PCDH9: variants seen among roughly 807,000 people sequenced by gnomAD.
PCDH9 encodes the protein protocadherin-9.
PCDH9 carries 24 observed loss-of-function variants against 70.6 expected under a neutral mutation model. The ratio of observed to expected loss-of-function variants is 0.34; its 90% CI spans 0.25 to 0.48. The LOEUF is 0.48. PCDH9 is among the 20% of genes least tolerant of loss of function. The pLI is 0.99. For missense variants in PCDH9, 1,281 were observed against 1,503.6 expected (o/e 0.85, Z 2.45); for synonymous variants, 562 against 558.5 (o/e 1.01, Z -0.09).
chr13:66,947,374 A>T (rs902148062), intron 2 of PCDH9, among the ~76,000 whole-genome samples: 3 of 152,156 alleles, frequency 2.0e-5, no homozygotes, highest in East Asian at 1.9e-4. Context: ...ATTTTACTGT[A>T]AAAAATAATC....
At chr13:67,092,618 G>T (rs751550877) in intron 2 of PCDH9, among the ~76,000 whole-genome samples, 2 of 152,090 alleles carry the variant, frequency 1.3e-5, no homozygotes, top group Admixed American at 6.6e-5. Context: ...AATGCCTAAT[G>T]CTGCTCCAGC....
intron 4 of PCDH9, among the ~76,000 whole-genome samples, chr13:66,378,146 A>G (rs753036019): frequency 9.2e-5 from 14 of 152,220 alleles, no homozygotes; most frequent in Non-Finnish European, 1.6e-4. Context: ...AACTTTGCCG[A>G]AAAGCCCTGA....
At chr13:66,464,812 T>C (rs1958489035) in intron 4 of PCDH9, among the ~76,000 whole-genome samples, 1 of 151,968 alleles carries the variant, frequency 6.6e-6, no homozygotes, top group South Asian at 2.1e-4. Context: ...AGTATCTTAA[T>C]GCTGAGGTGT....
intron 4 of PCDH9, among the ~76,000 whole-genome samples, chr13:66,363,315 T>A (rs1227503830): frequency 6.6e-6 from 1 of 152,214 alleles, no homozygotes; most frequent in Non-Finnish European, 1.5e-5. Context: ...ATTAGGAAAT[T>A]TAGGATACAA....
At chr13:66,873,789 A>G (rs529076725) in intron 3 of PCDH9, among the ~76,000 whole-genome samples, 45 of 152,062 alleles carry the variant, frequency 3.0e-4, no homozygotes, top group Non-Finnish European at 4.3e-4. Context: ...TCCTTTGCAC[A>G]CACTACACTC....
chr13:66,853,750 T>G (rs2081351816), intron 3 of PCDH9, among the ~76,000 whole-genome samples: 1 of 148,690 alleles, frequency 6.7e-6, no homozygotes, highest in Non-Finnish European at 1.5e-5. Context: ...TTTCCTTTTT[T>G]TTTTTCAGGA....
At chr13:66,879,386 T>C (rs1183760485) in intron 3 of PCDH9, among the ~76,000 whole-genome samples, 1 of 152,132 alleles carries the variant, frequency 6.6e-6, no homozygotes, top group East Asian at 1.9e-4. Flanking sequence ...AAATGTATTC[T>C]TATATTGAAA....
chr13:66,788,185 A>G (rs2080108849), intron 3 of PCDH9, among the ~76,000 whole-genome samples: 1 of 152,134 alleles, frequency 6.6e-6, no homozygotes, highest in Admixed American at 6.6e-5. Context: ...CCTTCTTGTT[A>G]CATCCTCACA....
At chr13:67,164,627 C>T (rs976295401) in intron 2 of PCDH9, among the ~76,000 whole-genome samples, 5 of 151,780 alleles carry the variant, frequency 3.3e-5, no homozygotes, top group Non-Finnish European at 5.9e-5. Context: ...TTGACTCCAG[C>T]CTTGTGATGT....
At chr13:66,740,128 A>T (rs1344650825) in intron 3 of PCDH9, among the ~76,000 whole-genome samples, 7 of 146,804 alleles carry the variant, frequency 4.8e-5, no homozygotes, top group African/African-American at 1.8e-4. Flanking sequence ...AACAGAAATT[A>T]TAACAAACTA....
intron 3 of PCDH9, among the ~76,000 whole-genome samples, chr13:66,759,318 T>G (rs2079585749): frequency 6.6e-6 from 1 of 152,092 alleles, no homozygotes. Context: ...AAATCTCTTT[T>G]GGTTGCCATT....
intron 2 of PCDH9, among the ~76,000 whole-genome samples, chr13:67,183,969 C>T (rs763218302): frequency 1.5e-4 from 23 of 152,120 alleles, no homozygotes; most frequent in Non-Finnish European, 1.5e-4. Context: ...GACATATTTG[C>T]AAATCGTCCT....
chr13:66,448,956 A>G (rs1298485729), intron 4 of PCDH9, among the ~76,000 whole-genome samples: 1 of 152,150 alleles, frequency 6.6e-6, no homozygotes, highest in Admixed American at 6.5e-5. Context: ...TTACTAGTCC[A>G]ATTTCTTCTT....
At chr13:66,307,589 C>A (rs987042157) in intron 4 of PCDH9, among the ~76,000 whole-genome samples, 2 of 152,034 alleles carry the variant, frequency 1.3e-5, no homozygotes, top group African/African-American at 4.8e-5. Flanking sequence ...TGTAACATAT[C>A]TTGAAGCCTA....
At chr13:66,921,894 T>C (rs1324700848) in intron 2 of PCDH9, among the ~76,000 whole-genome samples, 1 of 151,446 alleles carries the variant, frequency 6.6e-6, no homozygotes, top group East Asian at 1.9e-4. Context: ...AAGTCATTAG[T>C]AGCTGATTTC....
At chr13:66,913,669 A>G (rs1319963596) in intron 2 of PCDH9, among the ~76,000 whole-genome samples, 1 of 152,050 alleles carries the variant, frequency 6.6e-6, no homozygotes. Context: ...AAAACTTGAT[A>G]GATTTTTATT....
rs535357978 is a variant in PCDH9 at position 66,898,625 on chromosome 13, A to G, written c.3138+4879T>C. ...GTGGTATAATATTCATAATACAGCA[A>G]TAACAGGAAAATAAAGGTGTGTCGT... On this transcript the variant is annotated intron_variant, in intron 3 of 4. Transcript: ENST00000377865. Among the ~76,000 whole-genome samples the G allele has an allele frequency of 3.7e-4, 56 of 152,182 alleles. 1 individual carries two copies. The highest frequency in any genetic ancestry group is 6.8e-3 in the Middle Eastern group (2 of 294).
chr13:67,006,532 T>C (rs2084358489), intron 2 of PCDH9, among the ~76,000 whole-genome samples: 1 of 152,186 alleles, frequency 6.6e-6, no homozygotes, highest in African/African-American at 2.4e-5. Context: ...TCCCTGGCGA[T>C]TTTCTGCAGT....
intron 2 of PCDH9, among the ~76,000 whole-genome samples, chr13:67,044,639 T>C (rs555261112): frequency 2.5e-4 from 38 of 152,194 alleles, no homozygotes; most frequent in Non-Finnish European, 5.0e-4. Flanking sequence ...TTAAAGAATA[T>C]CCTGGGATCT....
Sources: gnomAD v4.1 joint callset for allele counts (sites outside exome capture counted in the v4.1 genomes callset) on GRCh38, gnomAD v4.1.1 for gene constraint, MANE v1.5 for transcripts, NCBI Gene and HGNC (gene_info 2026-07-23, HGNC 2026-07-21) for gene names.